CLMP: variants seen among roughly 807,000 people sequenced by gnomAD.
The protein encoded by CLMP is CXADR-like membrane protein.
Under a neutral mutation model 45.2 loss-of-function variants are expected in CLMP, and 27 were observed. The ratio of observed to expected loss-of-function variants is 0.60; its 90% confidence interval spans 0.44 to 0.82. The LOEUF is 0.82. CLMP is among the 40% of genes least tolerant of loss of function. The pLI is 0.00. For missense variants in CLMP, 403 were observed against 448.4 expected (o/e 0.90, Z 0.91); for synonymous variants, 167 against 171.4 (o/e 0.97, Z 0.20).
chr11:123,142,522 T>C (rs1861175059), intron 1 of CLMP, among the ~76,000 whole-genome samples: 1 of 152,030 alleles, frequency 6.6e-6, no homozygotes, highest in African/African-American at 2.4e-5. Context: ...CTTAGCATCC[T>C]ACAGTTAAGC....
In CLMP at chr11:123,070,528, C is replaced by T. The variant is rs765650133; in HGVS notation, c.*2946G>A. On this transcript the variant is annotated 3_prime_UTR_variant, in exon 7 of 7. Transcript: ENST00000448775. ...CTAACATGTTTAAAAATCTAAGGCTCTTTTTCATGCAAAGGAGACTGATTT... is the reference window on the plus strand; with the variant it reads ...CTAACATGTTTAAAAATCTAAGGCTTTTTTTCATGCAAAGGAGACTGATTT... 1.3e-5 allele frequency: 2 copies of T among 152,144 alleles called. No homozygotes were observed. Among genetic ancestry groups the T allele is most frequent in the African/African-American group, 2.4e-5 (1 of 41,420 alleles). 9.4% of individuals were successfully genotyped at this position (152,144 alleles called of 1,614,324 possible). A position where few individuals can be genotyped will look rare whatever the true frequency, so the allele number is the denominator to read the frequency against.
chr11:123,076,100 G>A (rs545951296), intron 5 of CLMP, among the ~76,000 whole-genome samples: 25 of 152,186 alleles, frequency 1.6e-4, no homozygotes, highest in African/African-American at 5.5e-4. Flanking sequence ...TTGAACCTGG[G>A]AGGCAGAGGT....
At chr11:123,112,251 T>C (rs1860649135) in intron 1 of CLMP, among the ~76,000 whole-genome samples, 1 of 152,194 alleles carries the variant, frequency 6.6e-6, no homozygotes, top group Admixed American at 6.6e-5. Context: ...ATATGTAATG[T>C]AGAATCTCAA....
intron 1 of CLMP, among the ~76,000 whole-genome samples, chr11:123,147,288 G>A (rs1240798934): frequency 2.0e-5 from 3 of 151,916 alleles, no homozygotes; most frequent in East Asian, 1.9e-4. Flanking sequence ...CACATGAACC[G>A]TCACACAATT....
rs375816483 is a variant in CLMP at position 123,137,147 on chromosome 11, C to CTTT, written c.29-39198_29-39196dup. Among the ~76,000 whole-genome samples, 409 of 82,482 alleles carry CTTT rather than the reference C, an allele frequency of 5.0e-3. 2 individuals are homozygous for CTTT. Among genetic ancestry groups the CTTT allele is most frequent in the Middle Eastern group, 0.013 (1 of 76 alleles). 54.1% of individuals were successfully genotyped at this position (82,482 alleles called of 152,430 possible). A position where few individuals can be genotyped will look rare whatever the true frequency, so the allele number is the denominator to read the frequency against. On this transcript the variant is annotated intron_variant, in intron 1 of 6. Transcript: ENST00000448775. Reference sequence around the variant, plus strand: ...CAGACCTTTCTCTTTTTTTCTTTTTCTTTTTTTTTTTTTTTTTTTTTTTTG... The same window carrying CTTT: ...CAGACCTTTCTCTTTTTTTCTTTTTCTTTTTTTTTTTTTTTTTTTTTTTTTTTG...
intron 1 of CLMP, among the ~76,000 whole-genome samples, chr11:123,112,769 C>CTT (rs1860657355): frequency 7.8e-6 from 1 of 128,542 alleles, no homozygotes; most frequent in African/African-American, 3.3e-5. Flanking sequence ...TGTTAGTACC[C>CTT]ATTTTTTTTT....
intron 1 of CLMP, among the ~76,000 whole-genome samples, chr11:123,108,006 G>A (rs1860584022): frequency 6.6e-6 from 1 of 152,116 alleles, no homozygotes; most frequent in African/African-American, 2.4e-5. Flanking sequence ...TAAGGATGGA[G>A]GTAGTTCTGG....
At chr11:123,170,327 C>G (rs1861613821) in intron 1 of CLMP, among the ~76,000 whole-genome samples, 1 of 151,984 alleles carries the variant, frequency 6.6e-6, no homozygotes, top group Non-Finnish European at 1.5e-5. Context: ...CCCCAGGCCT[C>G]TTAGGTAGTA....
intron 1 of CLMP, among the ~76,000 whole-genome samples, chr11:123,159,728 T>C (rs1320686255): frequency 6.6e-6 from 1 of 152,184 alleles, no homozygotes; most frequent in Non-Finnish European, 1.5e-5. Flanking sequence ...ACCTTGAGTC[T>C]GCAGGGATGA....
intron 1 of CLMP, among the ~76,000 whole-genome samples, chr11:123,102,922 G>C (rs1860475056): frequency 6.6e-6 from 1 of 151,862 alleles, no homozygotes. Context: ...TAAGCTCTTT[G>C]ACATCAAGTA....
intron 2 of CLMP, among the ~76,000 whole-genome samples, chr11:123,094,059 C>T (rs920039371): frequency 6.6e-6 from 1 of 152,158 alleles, no homozygotes; most frequent in Non-Finnish European, 1.5e-5. Context: ...GAAGGTAATA[C>T]AGCTAGTGGT....
Position 123,092,710 on chromosome 11 carries a change from GC to G in CLMP, c.186+5084del, listed in dbSNP as rs1325996318. Among the ~76,000 whole-genome samples the G allele has an allele frequency of 1.1e-4, 16 of 152,068 alleles. No individual in the cohort carries two copies. The East Asian group carries it at 1.9e-3, about 18-fold the overall frequency. ...CCTCCTGGGTTCAAGTGATTCTTCTGCCTCAGCCTCCCAAGTAGCTGGAACT... is the reference window on the plus strand; with the variant it reads ...CCTCCTGGGTTCAAGTGATTCTTCTGCTCAGCCTCCCAAGTAGCTGGAACT... On this transcript the variant is annotated intron_variant, in intron 2 of 6. Transcript: ENST00000448775.
intron 1 of CLMP, among the ~76,000 whole-genome samples, chr11:123,183,286 A>C (rs190410354): frequency 0.01 from 1,587 of 152,232 alleles, 20 homozygotes; most frequent in Non-Finnish European, 0.017. Flanking sequence ...GCTAGAGTGC[A>C]GTGGCGGGAT....
chr11:123,108,825 G>A (rs183600351), intron 1 of CLMP, among the ~76,000 whole-genome samples: 100 of 152,092 alleles, frequency 6.6e-4, no homozygotes, highest in African/African-American at 2.4e-3. Flanking sequence ...AGGCTGAGGC[G>A]GGCGGATCAC....
At chr11:123,133,033 G>A (rs889146329) in intron 1 of CLMP, among the ~76,000 whole-genome samples, 4 of 152,080 alleles carry the variant, frequency 2.6e-5, no homozygotes, top group African/African-American at 9.7e-5. Flanking sequence ...CCTCCCAAAG[G>A]CTGGGGTTAT....
intron 5 of CLMP, among the ~76,000 whole-genome samples, chr11:123,078,516 G>A (rs970025931): frequency 2.6e-5 from 4 of 152,012 alleles, no homozygotes; most frequent in African/African-American, 4.8e-5. Flanking sequence ...GCACAATCTC[G>A]GCTCACTGCA....
intron 1 of CLMP, among the ~76,000 whole-genome samples, chr11:123,155,353 G>GAAGTGCTGAAGCCTGGGC (rs975379882): frequency 3.9e-5 from 6 of 152,208 alleles, no homozygotes; most frequent in African/African-American, 1.4e-4. Flanking sequence ...TTGCACAAGG[G>GAAGTGCTGAAGCCTGGGC]AAGTGCTGAA....
chr11:123,130,841 CTTTTTT>C (rs11322192), intron 1 of CLMP, among the ~76,000 whole-genome samples: 1 of 126,280 alleles, frequency 7.9e-6, no homozygotes, highest in African/African-American at 3.1e-5. Context: ...TTTTCTTTTC[CTTTTTT>C]TTTTTTTTTT....
In CLMP at chr11:123,136,560, A is replaced by ATTT. The variant is rs34074982; in HGVS notation, c.29-38611_29-38609dup. Among the ~76,000 whole-genome samples, 816 of 85,856 alleles carry ATTT rather than the reference A, an allele frequency of 9.5e-3. 21 individuals are homozygous for ATTT. Among genetic ancestry groups the ATTT allele is most frequent in the African/African-American group, 0.03 (554 of 18,502 alleles). 56.3% of individuals were successfully genotyped at this position (85,856 alleles called of 152,430 possible). A position where few individuals can be genotyped will look rare whatever the true frequency, so the allele number is the denominator to read the frequency against. ...GAACTTGGGTTATTACTTTTAAGTA[A>ATTT]TTTTTTTTTTTTTTTTTTTTTTTTT... On this transcript the variant is annotated intron_variant, in intron 1 of 6. Transcript: ENST00000448775.
Sources: gnomAD v4.1 joint callset for allele counts (sites outside exome capture counted in the v4.1 genomes callset) on GRCh38, gnomAD v4.1.1 for gene constraint, MANE v1.5 for transcripts, NCBI Gene and HGNC (gene_info 2026-07-23, HGNC 2026-07-21) for gene names.